The following CLN6 variants were observed in gnomAD, a reference collection of about 807,000 sequenced individuals.
CLN6 encodes the protein ceroid-lipofuscinosis neuronal protein 6.
A neutral mutation model predicts 33.3 loss-of-function variants in CLN6; 22 were observed. The ratio of observed to expected loss-of-function variants is 0.66; its 90% CI spans 0.47 to 0.94. The LOEUF is 0.94. CLN6 is among the 40% of genes least tolerant of loss of function. The pLI is 0.00. For missense variants in CLN6, 387 were observed against 417.1 expected (o/e 0.93, Z 0.63); for synonymous variants, 201 against 174.6 (o/e 1.15, Z -1.19).
intron 1 of CLN6, among the ~76,000 whole-genome samples, chr15:68,249,516 T>C (rs995024436): frequency 1.3e-5 from 2 of 152,188 alleles, no homozygotes; most frequent in African/African-American, 4.8e-5. Flanking sequence ...AACTCTGTCA[T>C]TGTAGCAACA....
intron 1 of CLN6, among the ~76,000 whole-genome samples, chr15:68,225,609 A>C (rs2093249341): frequency 1.3e-5 from 2 of 152,200 alleles, no homozygotes; most frequent in Admixed American, 1.3e-4. Context: ...CAGCCTCCTG[A>C]GTAGCTGGGA....
intron 1 of CLN6, among the ~76,000 whole-genome samples, chr15:68,248,798 A>T (rs2141165475): frequency 6.6e-6 from 1 of 152,324 alleles, no homozygotes; most frequent in South Asian, 2.1e-4. Flanking sequence ...AAAATAGACA[A>T]ACGGGATTAC....
intron 1 of CLN6, among the ~76,000 whole-genome samples, chr15:68,221,985 G>A (rs1217165917): frequency 2.2e-5 from 3 of 139,512 alleles, no homozygotes; most frequent in African/African-American, 5.5e-5. Context: ...CCCTCTGCCC[G>A]GCTGCCCTGT....
rs939838706 is a variant in CLN6 at position 68,219,480 on chromosome 15, C to T, written c.84-830G>A. On this transcript the variant is annotated intron_variant, in intron 1 of 6. Coordinates refer to ENST00000249806, the MANE Select transcript of CLN6 (RefSeq NM_017882.3). This position sits in a 1 kb window ranked among gnomAD's most constrained non-coding sequence, Gnocchi z 4.2. ...CAGCAGGAAGTGGAGTACTGCCTCA[C>T]GATACATCTTTGGAGGCCTGTCCCT... is the stretch of plus-strand genomic sequence containing the variant. 2.6e-5 allele frequency among the ~76,000 whole-genome samples: 4 copies of T among 152,158 alleles called. No individual in the cohort carries two copies. The highest frequency in any genetic ancestry group is 5.9e-5 in the Non-Finnish European group (4 of 68,020).
upstream of CLN6, chr15:68,229,752 GGCGGAGCGGAGCGGA>G (rs55672378): frequency 2.1e-5 from 7 of 328,022 alleles, no homozygotes; most frequent in African/African-American, 1.3e-4. Flanking sequence ...CCCGGGGCGG[GGCGGAGCGGAGCGGA>G]GCGGAGCGGA....
At chr15:68,250,842 T>TA (rs1041063893) in intron 1 of CLN6, among the ~76,000 whole-genome samples, 9 of 151,970 alleles carry the variant, frequency 5.9e-5, no homozygotes, top group African/African-American at 2.2e-4. Flanking sequence ...CACCATAAAG[T>TA]AAAAAAATCA....
At position 68,247,300 on chromosome 15, in the gene CLN6, C is replaced by T. The variant is rs1258014976; in HGVS notation, c.179+9390G>A. Among the ~76,000 whole-genome samples the T allele has an allele frequency of 2.0e-5, 3 of 152,056 alleles. No individual in the cohort carries two copies. The South Asian group carries it at 6.2e-4, about 31-fold the overall frequency. On this transcript the variant is annotated intron_variant, in intron 1 of 6. Transcript: ENST00000538696. The surrounding 1 kb of genome is among the most constrained non-coding windows in gnomAD (Gnocchi z 4.2). ...CCAAAAAACTGTTAGAACTGATAAA[C>T]AAATGCAGTAAAGTCGCTGGATACA...
rs959943860 is a variant in CLN6 at position 68,207,627 on chromosome 15, C to G, written c.*513G>C. The G allele has an allele frequency of 2.0e-5, 4 of 198,468 alleles. No homozygotes were observed. The highest frequency in any genetic ancestry group is 9.3e-5 in the African/African-American group (4 of 43,158). 12.3% of individuals were successfully genotyped at this position (198,468 alleles called of 1,614,324 possible). ...AGGCCCATCTAGTGCAAATGAGGCC[C>G]AGAAAGGAGAAATGCTTTGCTCAAC... On this transcript the variant is annotated 3_prime_UTR_variant, in exon 7 of 7. Transcript: ENST00000249806.
chr15:68,222,935 G>A (rs1017300479), intron 1 of CLN6, among the ~76,000 whole-genome samples: 1 of 152,102 alleles, frequency 6.6e-6, no homozygotes, highest in African/African-American at 2.4e-5. Context: ...CAGCATGCTC[G>A]TTAAGAGTCA....
chr15:68,217,585 A>C (rs528303113), intron 2 of CLN6, among the ~76,000 whole-genome samples: 9 of 152,314 alleles, frequency 5.9e-5, no homozygotes, highest in Non-Finnish European at 1.2e-4. Flanking sequence ...TGCCAGTTTC[A>C]GCACTGGATA....
intron 1 of CLN6, among the ~76,000 whole-genome samples, chr15:68,237,202 C>G (rs1223087163): frequency 6.7e-6 from 1 of 148,800 alleles, no homozygotes; most frequent in African/African-American, 2.5e-5. Context: ...GAATGGAGGC[C>G]AGGCACAATG....
In CLN6 at chr15:68,256,577, C is replaced by T; in HGVS notation, c.179+113G>A. 1.8e-6 allele frequency: 1 copy of T among 540,826 alleles called. No homozygotes were observed. The highest frequency in any genetic ancestry group is 3.3e-6 in the Non-Finnish European group (1 of 301,898). The allele number at this position is 540,826 out of a possible 1,614,324, so 33.5% of individuals were successfully genotyped here. On this transcript the variant is annotated intron_variant, in intron 1 of 6. Transcript: ENST00000538696. This position sits in a 1 kb window ranked among gnomAD's most constrained non-coding sequence, Gnocchi z 4.1. Reference sequence around the variant, plus strand: ...TTATTACAATACTCTCTTTGGGATCCCCACACACGTGGCTGGCTTCAGGGG... The same window carrying T: ...TTATTACAATACTCTCTTTGGGATCTCCACACACGTGGCTGGCTTCAGGGG...
At chr15:68,251,723 C>A (rs1164981286) in intron 1 of CLN6, among the ~76,000 whole-genome samples, 1 of 151,638 alleles carries the variant, frequency 6.6e-6, no homozygotes, top group East Asian at 1.9e-4. Context: ...TCTGCTATCA[C>A]CCCTTCTAGT....
At chr15:68,251,859 G>A (rs1567106694) in intron 1 of CLN6, among the ~76,000 whole-genome samples, 3 of 151,882 alleles carry the variant, frequency 2.0e-5, no homozygotes, top group Non-Finnish European at 4.4e-5. Context: ...AGTCCAGCAA[G>A]GTTGTTAACT....
At chr15:68,226,037 T>A (rs1232010734) in intron 1 of CLN6, among the ~76,000 whole-genome samples, 1 of 146,308 alleles carries the variant, frequency 6.8e-6, no homozygotes, top group Non-Finnish European at 1.5e-5. Context: ...AGTGTGGACT[T>A]GGCTGGGCGC....
chr15:68,232,075 G>C (rs1205240353), upstream of CLN6, among the ~76,000 whole-genome samples: 1 of 152,018 alleles, frequency 6.6e-6, no homozygotes, highest in Non-Finnish European at 1.5e-5. This position sits in a 1 kb window ranked among gnomAD's most constrained non-coding sequence, Gnocchi z 4.7. Flanking sequence ...AGCTGAGAAG[G>C]TCCTTTGGTA....
At chr15:68,226,196 G>A (rs2093251363) in intron 1 of CLN6, among the ~76,000 whole-genome samples, 2 of 151,556 alleles carry the variant, frequency 1.3e-5, no homozygotes, top group Non-Finnish European at 2.9e-5. Flanking sequence ...CCGAGCACCT[G>A]TAATCCCAGC....
At position 68,211,704 on chromosome 15, in the gene CLN6, TG is replaced by T. The variant is rs1381856337; in HGVS notation, c.456del (p.Ile153SerfsTer10). The part of the protein sequence containing the change: ...YQHHLSVREN[P>X]IIKNLKPETL... Reference sequence around the variant, plus strand: ...GTCTCCGGCTTGAGATTCTTGATGATGGGGTTCTCACGGACAGACAGGTGGT... The same window carrying T: ...GTCTCCGGCTTGAGATTCTTGATGATGGGTTCTCACGGACAGACAGGTGGT... On this transcript the variant is annotated frameshift_variant, in exon 4 of 7. Transcript: ENST00000249806. LOFTEE classifies it high-confidence loss of function. The surrounding 1 kb of genome is among the most constrained non-coding windows in gnomAD (Gnocchi z 5.9). The T allele has an allele frequency of 3.1e-6, 5 of 1,613,600 alleles. No individual in the cohort carries two copies. Among genetic ancestry groups the T allele is most frequent in the Non-Finnish European group, 4.2e-6 (5 of 1,179,968 alleles).
In CLN6 at chr15:68,207,961, C is replaced by G. The variant is rs886051443; in HGVS notation, c.*179G>C. On this transcript the variant is annotated 3_prime_UTR_variant, in exon 7 of 7. Transcript: ENST00000249806. ...TAGTAGAGTCTGAAAATGATGCACT[C>G]TGCGCACACATATACAAGACACACA... The G allele has an allele frequency of 6.5e-5, 40 of 617,304 alleles. No individual in the cohort carries two copies. The highest frequency in any genetic ancestry group is 1.1e-4 in the Non-Finnish European group (39 of 357,430). 38.2% of individuals were successfully genotyped at this position (617,304 alleles called of 1,614,324 possible).
Sources: gnomAD v4.1 joint callset for allele counts (sites outside exome capture counted in the v4.1 genomes callset) on GRCh38, gnomAD v4.1.1 for gene constraint, Gnocchi (gnomAD v3.1) non-coding constraint, MANE v1.5 for transcripts, NCBI Gene and HGNC (gene_info 2026-07-23, HGNC 2026-07-21) for gene names.